TET3: variants seen among roughly 807,000 people sequenced by gnomAD.
TET3 encodes the protein methylcytosine dioxygenase TET3.
Under a neutral mutation model 141.4 loss-of-function variants are expected in TET3, and 19 were observed. The ratio of observed to expected loss-of-function variants is 0.13; its 90% CI spans 0.09 to 0.20. TET3 has a LOEUF of 0.20. Ranked by LOEUF, TET3 falls within the 10% of genes least tolerant of loss-of-function variation. TET3 has a pLI of 1.00. For synonymous variants in TET3, 1,043 were observed against 980.9 expected (o/e 1.06, Z -1.18); for missense variants, 1,874 against 2,356.9 (o/e 0.80, Z 4.24).
chr2:74,092,022 G>C (rs1303215391), intron 8 of TET3, among the ~76,000 whole-genome samples: 1 of 152,210 alleles, frequency 6.6e-6, no homozygotes, highest in Non-Finnish European at 1.5e-5. Flanking sequence ...TTAGAATTCA[G>C]GCCGGGCATT....
At chr2:74,002,983 T>C in intron 2 of TET3, 127 bp from the exon 3 acceptor site, 1 of 991,994 alleles carries the variant, frequency 1.0e-6, no homozygotes, top group South Asian at 1.5e-5. Flanking sequence ...ATAGCCTTTC[T>C]TTCCCAGGCT....
chr2:74,004,327 C>T (rs1685037223), intron 3 of TET3, among the ~76,000 whole-genome samples: 1 of 152,146 alleles, frequency 6.6e-6, no homozygotes, highest in South Asian at 2.1e-4. Flanking sequence ...ATTCTCTTCC[C>T]GCCCCCTGGG....
chr2:74,062,227 C>G (rs1024503160), intron 4 of TET3, among the ~76,000 whole-genome samples: 62 of 152,206 alleles, frequency 4.1e-4, no homozygotes, highest in African/African-American at 1.5e-3. Context: ...GAGACCAGCC[C>G]GGCCAACACA....
At chr2:74,043,929 G>A (rs1169625246) in intron 3 of TET3, among the ~76,000 whole-genome samples, 2 of 152,154 alleles carry the variant, frequency 1.3e-5, no homozygotes, top group Non-Finnish European at 2.9e-5. Flanking sequence ...GGAGGCTAAG[G>A]CCAGAGGATC....
chr2:74,115,119 T>C, the TET3 span, among the ~76,000 whole-genome samples: 1 of 152,086 alleles, frequency 6.6e-6, no homozygotes, highest in African/African-American at 2.4e-5. Flanking sequence ...TATATCATAC[T>C]AAAAGCTTCT....
chr2:74,075,121 C>T (rs1215922475), intron 5 of TET3, among the ~76,000 whole-genome samples: 1 of 152,050 alleles, frequency 6.6e-6, no homozygotes, highest in African/African-American at 2.4e-5. Flanking sequence ...CCGCCCGCCT[C>T]GGCCTCCCAA....
chr2:73,993,218 G>A (rs1310661110), intron 2 of TET3: 1 of 152,278 alleles, frequency 6.6e-6, no homozygotes. Flanking sequence ...GCAGGTGAGA[G>A]ACTGTGAGGT....
At chr2:74,055,307 T>C (rs1442902490) in intron 4 of TET3, among the ~76,000 whole-genome samples, 1 of 152,200 alleles carries the variant, frequency 6.6e-6, no homozygotes, top group Non-Finnish European at 1.5e-5. Context: ...ATTTATACTC[T>C]GCAAAGGTGT....
At chr2:74,116,709 ACT>A in the TET3 span, among the ~76,000 whole-genome samples, 4 of 143,116 alleles carry the variant, frequency 2.8e-5, no homozygotes, top group South Asian at 8.9e-4. Context: ...AAAAAAAAAC[ACT>A]GTGTACCCCA....
At chr2:74,097,194 T>TGCAC (rs1194766583) in intron 10 of TET3, among the ~76,000 whole-genome samples, 5 of 60,044 alleles carry the variant, frequency 8.3e-5, no homozygotes, top group Admixed American at 5.4e-4. Context: ...TAGCCATACA[T>TGCAC]GCACACACAC....
At chr2:74,084,447 G>A (rs1335533656) in intron 6 of TET3, among the ~76,000 whole-genome samples, 1 of 151,426 alleles carries the variant, frequency 6.6e-6, no homozygotes, top group East Asian at 2.0e-4. Context: ...GTAAGACCAT[G>A]TCTCTCTCTT....
chr2:74,092,317 T>C (rs1176460955), intron 8 of TET3, among the ~76,000 whole-genome samples: 4 of 151,922 alleles, frequency 2.6e-5, no homozygotes, highest in Non-Finnish European at 5.9e-5. Context: ...AAAAAAAAAT[T>C]AGAATTCATC....
Position 73,986,448 on chromosome 2 carries a change from A to G in TET3, c.45A>G (p.Pro15=). ...QVPLAVQPDL[P]GLYDFPQRQV... Reference sequence around the variant, plus strand: ...CCCTGGCCGTCCAGCCGGACCTGCCAGGCCTTTATGACTTCCCTCAGCGCC... The same window carrying G: ...CCCTGGCCGTCCAGCCGGACCTGCCGGGCCTTTATGACTTCCCTCAGCGCC... The change falls in exon 2 of 12, where the codon CCA becomes CCG. Residue 15 remains proline, a synonymous_variant. Transcript: ENST00000409262. 8.1e-7 allele frequency: 1 copy of G among 1,232,258 alleles called. No homozygotes were observed. The highest frequency in any genetic ancestry group is 1.0e-6 in the Non-Finnish European group (1 of 988,102). 76.3% of individuals were successfully genotyped at this position (1,232,258 alleles called of 1,614,324 possible). A position where few individuals can be genotyped will look rare whatever the true frequency, so the allele number is the denominator to read the frequency against.
chr2:74,058,297 C>A (rs1243678405), intron 4 of TET3, among the ~76,000 whole-genome samples: 1 of 152,026 alleles, frequency 6.6e-6, no homozygotes, highest in East Asian at 1.9e-4. Context: ...CAGTAGGGAC[C>A]CCACACACAG....
At chr2:74,077,908 T>A (rs1394486492) in intron 5 of TET3, among the ~76,000 whole-genome samples, 3 of 152,252 alleles carry the variant, frequency 2.0e-5, no homozygotes, top group Non-Finnish European at 4.4e-5. Flanking sequence ...GGCTTCCTGA[T>A]AAATGCTTGT....
rs372133615 is a variant in TET3, at chr2:74,101,420, G to A, written c.4632G>A (p.Ser1544=). Residue 1544 remains serine, a synonymous_variant, in exon 12 of 12, where the codon TCG becomes TCA. Transcript: ENST00000409262. This position sits in a 1 kb window ranked among gnomAD's most constrained non-coding sequence, Gnocchi z 8.5. ...PWALGAGDFN[S]ALKGSPGFQD... is the part of the protein sequence containing the mutation. Reference sequence around the variant, plus strand: ...CGCTGGGGGCAGGGGATTTCAACTCGGCCCTGAAAGGTAGTCCTGGGTTCC... The same window carrying A: ...CGCTGGGGGCAGGGGATTTCAACTCAGCCCTGAAAGGTAGTCCTGGGTTCC... 98 of 1,613,762 alleles carry A rather than the reference G, an allele frequency of 6.1e-5. No individual in the cohort carries two copies. The highest frequency in any genetic ancestry group is 1.6e-4 in the Middle Eastern group (1 of 6,078).
intron 2 of TET3, among the ~76,000 whole-genome samples, chr2:73,997,058 A>G (rs1479786100): frequency 6.6e-6 from 1 of 152,248 alleles, no homozygotes; most frequent in Non-Finnish European, 1.5e-5. Context: ...GTTAGTGGAC[A>G]AAATAAGGCA....
chr2:74,095,672 G>T (rs1421003029), intron 10 of TET3, among the ~76,000 whole-genome samples: 3 of 152,198 alleles, frequency 2.0e-5, no homozygotes, highest in Non-Finnish European at 2.9e-5. Context: ...CTTTTCTTAA[G>T]CTTTCTATGT....
At chr2:74,027,389 A>T (rs2105275155) in intron 3 of TET3, among the ~76,000 whole-genome samples, 1 of 150,472 alleles carries the variant, frequency 6.6e-6, no homozygotes, top group Non-Finnish European at 1.5e-5. Context: ...AATCATATAC[A>T]GTTCACCCAT....
Sources: gnomAD v4.1 joint callset for allele counts (sites outside exome capture counted in the v4.1 genomes callset) on GRCh38, gnomAD v4.1.1 for gene constraint, Gnocchi (gnomAD v3.1) non-coding constraint, MANE v1.5 for transcripts, NCBI Gene and HGNC (gene_info 2026-07-23, HGNC 2026-07-21) for gene names.